Variants in JAZF1 observed in about 807,000 individuals in gnomAD.
The protein encoded by JAZF1 is JAZF zinc finger 1.
A neutral mutation model predicts 26.4 loss-of-function variants in JAZF1; 8 were observed. The ratio of observed to expected loss-of-function variants is 0.30; its 90% confidence interval spans 0.18 to 0.55. The LOEUF (loss-of-function observed/expected upper bound fraction) is 0.55, where lower values mean the gene tolerates loss of function less well. Among genes scored for constraint, JAZF1 ranks in the 20% least tolerant of loss-of-function variants. JAZF1 has a pLI of 0.94. For synonymous variants in JAZF1, 126 were observed against 122.3 expected (o/e 1.03, Z -0.20); for missense variants, 199 against 322.0 (o/e 0.62, Z 2.92).
chr7:27,866,784 T>C (rs949214075), intron 3 of JAZF1, among the ~76,000 whole-genome samples: 5 of 152,242 alleles, frequency 3.3e-5, no homozygotes, highest in Non-Finnish European at 7.3e-5. Flanking sequence ...AGAAACATAA[T>C]GTGCTGATTT....
intron 1 of JAZF1, among the ~76,000 whole-genome samples, chr7:28,064,952 T>G (rs1783855734): frequency 6.6e-6 from 1 of 152,208 alleles, no homozygotes; most frequent in Non-Finnish European, 1.5e-5. Flanking sequence ...GATCTGAGAA[T>G]CTAAGTGTGA....
chr7:27,957,716 G>A (rs1785121951), intron 2 of JAZF1, among the ~76,000 whole-genome samples: 1 of 152,198 alleles, frequency 6.6e-6, no homozygotes, highest in African/African-American at 2.4e-5. Flanking sequence ...TGAATTCACA[G>A]TCTGTTTCTG....
chr7:28,009,175 A>G (rs1196291657), intron 1 of JAZF1, among the ~76,000 whole-genome samples: 1 of 152,112 alleles, frequency 6.6e-6, no homozygotes, highest in Non-Finnish European at 1.5e-5. Context: ...GATTCAATAT[A>G]ATAAAGATAC....
At chr7:27,968,798 G>A (rs2128359091) in intron 2 of JAZF1, among the ~76,000 whole-genome samples, 1 of 152,108 alleles carries the variant, frequency 6.6e-6, no homozygotes, top group South Asian at 2.1e-4. Flanking sequence ...TCTGGTTGGT[G>A]TTGAACATAA....
chr7:28,158,143 A>ACGCG (rs1341205525), intron 1 of JAZF1, among the ~76,000 whole-genome samples: 44 of 141,728 alleles, frequency 3.1e-4, no homozygotes, highest in African/African-American at 1.1e-3. Flanking sequence ...CATTGAAAAC[A>ACGCG]CGCGCGCACA....
chr7:28,115,341 G>A (rs909780928), intron 1 of JAZF1, among the ~76,000 whole-genome samples: 1 of 152,168 alleles, frequency 6.6e-6, no homozygotes. Flanking sequence ...AATTATAAAT[G>A]AGATAGCTTA....
At chr7:27,857,860 C>T (rs1783301286) in intron 3 of JAZF1, among the ~76,000 whole-genome samples, 3 of 152,164 alleles carry the variant, frequency 2.0e-5, no homozygotes, top group Admixed American at 2.0e-4. Flanking sequence ...AAGGTCTCAC[C>T]ACTCCTATTC....
At chr7:28,161,311 T>A (rs1206971579) in intron 1 of JAZF1, among the ~76,000 whole-genome samples, 1 of 128,542 alleles carries the variant, frequency 7.8e-6, no homozygotes, top group South Asian at 2.5e-4. Context: ...AGGTAGAGGA[T>A]GAAAACTACT....
chr7:28,071,567 T>C (rs1373069540), intron 1 of JAZF1: 1 of 470,032 alleles, frequency 2.1e-6, no homozygotes, highest in Non-Finnish European at 4.4e-6. Context: ...CATAAAAGTA[T>C]TTTTAACCAG....
chr7:27,916,605 C>T (rs993736507), intron 2 of JAZF1, among the ~76,000 whole-genome samples: 3 of 152,200 alleles, frequency 2.0e-5, no homozygotes, highest in Non-Finnish European at 2.9e-5. Flanking sequence ...CTTAAGTCAC[C>T]TCACAGCCTT....
chr7:27,901,342 C>G (rs563282262), intron 2 of JAZF1, among the ~76,000 whole-genome samples: 8 of 152,190 alleles, frequency 5.3e-5, no homozygotes, highest in Non-Finnish European at 1.2e-4. Flanking sequence ...AATCCTCAGA[C>G]CACAATGTTC....
chr7:28,055,584 CTTTG>C (rs1013056505), intron 1 of JAZF1, among the ~76,000 whole-genome samples: 9 of 152,172 alleles, frequency 5.9e-5, no homozygotes, highest in African/African-American at 1.2e-4. Context: ...AGCAAGAGAT[CTTTG>C]TTTATTATGG....
At chr7:28,147,480 C>T (rs1783045196) in intron 1 of JAZF1, among the ~76,000 whole-genome samples, 1 of 144,440 alleles carries the variant, frequency 6.9e-6, no homozygotes, top group South Asian at 2.1e-4. Context: ...TTTTCCTCTA[C>T]TAGTAAAAAC....
intron 3 of JAZF1, among the ~76,000 whole-genome samples, chr7:27,853,846 T>TTC (rs1185440132): frequency 6.6e-6 from 1 of 152,210 alleles, no homozygotes; most frequent in East Asian, 1.9e-4. Context: ...AGAATGTATA[T>TTC]TCTGTTGATT....
intron 3 of JAZF1, among the ~76,000 whole-genome samples, chr7:27,852,534 T>C (rs1783170223): frequency 6.6e-6 from 1 of 152,136 alleles, no homozygotes; most frequent in African/African-American, 2.4e-5. Flanking sequence ...ACGGCCATTC[T>C]CCCATCTTGC....
intron 1 of JAZF1, among the ~76,000 whole-genome samples, chr7:28,143,788 C>T (rs150407946): frequency 1.4e-4 from 21 of 152,282 alleles, no homozygotes; most frequent in African/African-American, 3.6e-4. Context: ...GGTCCTTTTA[C>T]GGATAATATC....
chr7:28,020,525 T>C (rs1434726672), intron 1 of JAZF1: 1 of 470,742 alleles, frequency 2.1e-6, no homozygotes, highest in Admixed American at 2.3e-5. Flanking sequence ...TACTGACATC[T>C]TGTGGTTACA....
intron 1 of JAZF1, among the ~76,000 whole-genome samples, chr7:28,070,055 C>A (rs560449890): frequency 6.6e-6 from 1 of 152,306 alleles, no homozygotes; most frequent in Non-Finnish European, 1.5e-5. Flanking sequence ...ATGTGGAGAG[C>A]TGAGTCCTGG....
intron 1 of JAZF1, among the ~76,000 whole-genome samples, chr7:28,144,995 T>C (rs1783003945): frequency 1.3e-5 from 2 of 152,258 alleles, no homozygotes; most frequent in African/African-American, 4.8e-5. Context: ...CACTCTCCTC[T>C]TCTGTTTTAA....
Sources: gnomAD v4.1 joint callset for allele counts (sites outside exome capture counted in the v4.1 genomes callset) on GRCh38, gnomAD v4.1.1 for gene constraint, MANE v1.5 for transcripts, NCBI Gene and HGNC (gene_info 2026-07-23, HGNC 2026-07-21) for gene names.